The following ITGA1 variants were observed in gnomAD, a reference collection of about 807,000 sequenced individuals.
ITGA1 encodes integrin subunit alpha 1, also known as integrin alpha-1.
In ITGA1, 85 loss-of-function variants were observed where a neutral mutation model predicts 145.9. The ratio of observed to expected loss-of-function variants is 0.58; its 90% CI spans 0.49 to 0.70. The LOEUF (loss-of-function observed/expected upper bound fraction) is 0.70, where lower values mean the gene tolerates loss of function less well. Among genes scored for constraint, ITGA1 ranks in the 30% least tolerant of loss-of-function variants. ITGA1 has a pLI of 0.00. For missense variants in ITGA1, 1,351 were observed against 1,418.7 expected (o/e 0.95, Z 0.77); for synonymous variants, 520 against 495.3 (o/e 1.05, Z -0.66).
At position 52,912,740 on chromosome 5, in the gene ITGA1, G is replaced by GTATA. The variant is rs1554046519; in HGVS notation, c.1857+2333_1857+2336dup. The stretch of plus-strand genomic sequence containing the variant: ...TGTGTGTGTGTGTGTGTGTGTGTGT[G>GTATA]TATATATATATATATTTTTTTTTTG... On this transcript the variant is annotated intron_variant, in intron 14 of 28. Coordinates refer to ENST00000282588, the MANE Select transcript of ITGA1 (RefSeq NM_181501.2). Among the ~76,000 whole-genome samples the GTATA allele has an allele frequency of 9.5e-3, 1,201 of 125,968 alleles. 5 individuals carry two copies. The highest frequency in any genetic ancestry group is 0.016 in the Non-Finnish European group (982 of 60,824). The allele number at this position is 125,968 out of a possible 152,430, so 82.6% of individuals were successfully genotyped here. A position where few individuals can be genotyped will look rare whatever the true frequency, so the allele number is the denominator to read the frequency against.
intron 1 of ITGA1, chr5:52,825,009 A>G (rs575176408): frequency 6.6e-6 from 1 of 152,336 alleles, no homozygotes; most frequent in Admixed American, 6.5e-5. Flanking sequence ...AGTGGCATTA[A>G]GTACATTTAC....
rs114530606 is a variant in ITGA1, at chr5:52,918,546, C to T, written c.1989-186C>T. 2.0e-3 allele frequency among the ~76,000 whole-genome samples: 300 copies of T among 152,246 alleles called. 2 individuals are homozygous for T. Among genetic ancestry groups the T allele is most frequent in the African/African-American group, 6.9e-3 (286 of 41,558 alleles). ...AGCCCCAAATGGTTTCCAAATATAA[C>T]CTACATGTCTTAGAACATCAGATAT... On this transcript the variant is annotated intron_variant, in intron 15 of 28. Transcript: ENST00000282588.
At chr5:52,937,048 TAAA>T (rs3841535) in intron 23 of ITGA1, among the ~76,000 whole-genome samples, 3 of 121,790 alleles carry the variant, frequency 2.5e-5, no homozygotes, top group Admixed American at 8.5e-5. Flanking sequence ...ACTGGTATGT[TAAA>T]AAAAAAAAAA....
intron 8 of ITGA1, among the ~76,000 whole-genome samples, chr5:52,891,122 T>A (rs981680324): frequency 2.0e-5 from 3 of 152,208 alleles, no homozygotes; most frequent in African/African-American, 4.8e-5. Context: ...TTAAATCCAT[T>A]CATCCATTGA....
At chr5:52,843,643 A>G (rs1749291123) in intron 1 of ITGA1, among the ~76,000 whole-genome samples, 1 of 152,216 alleles carries the variant, frequency 6.6e-6, no homozygotes, top group Non-Finnish European at 1.5e-5. Flanking sequence ...CAAATACTCC[A>G]GAGCTACAAG....
chr5:52,862,598 A>C (rs1275656310), intron 3 of ITGA1, among the ~76,000 whole-genome samples: 1 of 152,240 alleles, frequency 6.6e-6, no homozygotes, highest in Non-Finnish European at 1.5e-5. Flanking sequence ...TTCCCTCCAC[A>C]AAATTTAACT....
chr5:52,858,160 C>T (rs2111766054), intron 2 of ITGA1, among the ~76,000 whole-genome samples: 1 of 152,278 alleles, frequency 6.6e-6, no homozygotes, highest in East Asian at 1.9e-4. Flanking sequence ...ACACTTCAAG[C>T]AAATAAGCTT....
Position 52,929,656 on chromosome 5 carries a change from C to T in ITGA1, c.2726C>T (p.Thr909Ile). 1 of 1,589,866 alleles carries T rather than the reference C, an allele frequency of 6.3e-7. No homozygotes were observed. Among genetic ancestry groups the T allele is most frequent in the Non-Finnish European group, 8.6e-7 (1 of 1,161,202 alleles). Reference protein sequence around the residue: ...VTFKILFQFNTSYLMENVTIY... With the variant: ...VTFKILFQFNISYLMENVTIY... ...TTCAAAATATTGTTTCAGTTTAACA[C>T]ATCCTATCTCATGGAAAATGTGACC... Residue 909 changes from threonine (T) to isoleucine (I), a missense_variant, in exon 21 of 29, where the codon ACA becomes ATA. Physicochemically the swap from Thr to Ile is moderately conservative, Grantham distance 89. Transcript: ENST00000282588.
chr5:52,929,593 T>C, intron 20 of ITGA1, 32 bp from the exon 21 acceptor site: 6 of 1,112,208 alleles, frequency 5.4e-6, no homozygotes, highest in Non-Finnish European at 6.8e-6. Flanking sequence ...AAATTTCTTA[T>C]CTGTTACTAA....
intron 1 of ITGA1, chr5:52,801,662 G>A: frequency 1.2e-6 from 2 of 1,614,178 alleles, no homozygotes; most frequent in Non-Finnish European, 1.7e-6. Flanking sequence ...GCCACACGGA[G>A]CCGGTATGTG....
At chr5:52,862,883 T>A (rs1209082837) in intron 3 of ITGA1, among the ~76,000 whole-genome samples, 4 of 152,180 alleles carry the variant, frequency 2.6e-5, no homozygotes, top group African/African-American at 9.6e-5. Context: ...GAATTTTCTA[T>A]TTGTTTGTTT....
intron 1 of ITGA1, 28 bp downstream of exon 1, chr5:52,788,442 C>T: frequency 1.3e-6 from 2 of 1,482,042 alleles, no homozygotes. Flanking sequence ...CTCTGAGCAT[C>T]TCCTGCTCGC....
Position 52,901,679 on chromosome 5 carries a change from C to G in ITGA1, c.1309+3296C>G, listed in dbSNP as rs188874128. 6.6e-5 allele frequency: 10 copies of G among 152,178 alleles called. No individual in the cohort carries two copies. In the East Asian group the frequency reaches 1.5e-3, roughly 24 times the overall value. 9.4% of individuals were successfully genotyped at this position (152,178 alleles called of 1,614,324 possible). On this transcript the variant is annotated intron_variant, in intron 11 of 28. Transcript: ENST00000282588. The stretch of plus-strand genomic sequence containing the variant: ...TTAAGAATCCTAAATTTGTCATTCC[C>G]AAAAACCTTTGGTTAAACGTTGCTT...
intron 28 of ITGA1, among the ~76,000 whole-genome samples, chr5:52,950,637 C>T (rs1028008451): frequency 6.6e-6 from 1 of 152,170 alleles, no homozygotes; most frequent in Non-Finnish European, 1.5e-5. Flanking sequence ...ACTATTTTCT[C>T]CTAATCTCCA....
At chr5:52,902,218 G>T (rs1391841965) in intron 11 of ITGA1, 1 of 152,166 alleles carries the variant, frequency 6.6e-6, no homozygotes, top group Non-Finnish European at 1.5e-5. Context: ...AAGAACTCAA[G>T]CTGTCAAACA....
rs764689574 is a variant in ITGA1 at position 52,910,248 on chromosome 5, C to T, written c.1686C>T (p.Asn562=). 6.8e-6 allele frequency: 11 copies of T among 1,613,824 alleles called. No individual in the cohort carries two copies. In the South Asian group the frequency reaches 9.9e-5, roughly 14 times the overall value. Residue 562 remains asparagine (N), a synonymous_variant, in exon 14 of 29, where the codon AAC becomes AAT. Transcript: ENST00000282588. ...AGCACAATTCATGCACAACAGAAAA[C>T]AAAAATGAGCCATGCGGGGCTCGTT... ...SRQHNSCTTE[N]KNEPCGARFG...
chr5:52,915,623 C>T (rs1750634344), intron 15 of ITGA1, 29 bp downstream of exon 15: 3 of 1,611,204 alleles, frequency 1.9e-6, no homozygotes, highest in Non-Finnish European at 2.5e-6. Context: ...TCCTGTTAAT[C>T]TGAGACTGGG....
intron 15 of ITGA1, among the ~76,000 whole-genome samples, chr5:52,916,118 A>T (rs1750643549): frequency 6.6e-6 from 1 of 152,184 alleles, no homozygotes; most frequent in Non-Finnish European, 1.5e-5. Context: ...ATACATTCAT[A>T]ATGCTTTATT....
intron 2 of ITGA1, among the ~76,000 whole-genome samples, chr5:52,857,589 T>C (rs1466840612): frequency 6.6e-6 from 1 of 152,194 alleles, no homozygotes; most frequent in Non-Finnish European, 1.5e-5. Flanking sequence ...TTCTTTATAT[T>C]GTTTCCTTCT....
Sources: allele counts gnomAD v4.1 joint callset (sites outside exome capture counted in the v4.1 genomes callset), GRCh38; gene constraint gnomAD v4.1.1; transcripts MANE v1.5; gene names NCBI Gene and HGNC (gene_info 2026-07-23, HGNC 2026-07-21).